VPS33B: variants seen among roughly 807,000 people sequenced by gnomAD.
VPS33B encodes VPS33B late endosome and lysosome associated, also known as vacuolar protein sorting-associated protein 33B.
A neutral mutation model predicts 95.3 loss-of-function variants in VPS33B; 80 were observed. The ratio of observed to expected loss-of-function variants is 0.84; its 90% confidence interval spans 0.70 to 1.01. VPS33B has a LOEUF of 1.01. VPS33B is among the 50% of genes least tolerant of loss of function. The pLI is 0.00. For missense variants in VPS33B, 715 were observed against 773.4 expected (o/e 0.92, Z 0.90); for synonymous variants, 280 against 280.4 (o/e 1.00, Z 0.01).
chr15:91,006,474 A>C lies in VPS33B; in HGVS notation c.779-29T>G, dbSNP rs890295018. On this transcript the variant is annotated intron_variant, in intron 10 of 22. Transcript: ENST00000333371. This position sits in a 1 kb window ranked among gnomAD's most constrained non-coding sequence, Gnocchi z 5.4. ...TGAGAGCAGAGGGACAGCTATTAGG[A>C]TCTCCAATGAGGACTTCTCCTACCA... is the stretch of plus-strand genomic sequence containing the variant. The C allele has an allele frequency of 1.9e-6, 3 of 1,613,970 alleles. No homozygotes were observed. The highest frequency in any genetic ancestry group is 2.5e-6 in the Non-Finnish European group (3 of 1,179,972).
Position 91,022,392 on chromosome 15 carries a change from G to A in VPS33B, c.-143C>T. On this transcript the variant is annotated 5_prime_UTR_variant, in exon 1 of 23. Transcript: ENST00000333371. ...ACCCCAGATGGGCCCTCGCTCCTCAGCAGCACTCCAGGAATGAATGGCCAC... is the reference window on the plus strand; with the variant it reads ...ACCCCAGATGGGCCCTCGCTCCTCAACAGCACTCCAGGAATGAATGGCCAC... 1 of 744,134 alleles carries A rather than the reference G, an allele frequency of 1.3e-6. No homozygotes were observed. Among genetic ancestry groups the A allele is most frequent in the Non-Finnish European group, 2.1e-6 (1 of 465,578 alleles). The allele number at this position is 744,134 out of a possible 1,614,324, so 46.1% of individuals were successfully genotyped here.
intron 16 of VPS33B, among the ~76,000 whole-genome samples, chr15:91,004,235 AAG>A (rs2040530182): frequency 6.9e-6 from 1 of 144,712 alleles, no homozygotes; most frequent in Non-Finnish European, 1.5e-5. Flanking sequence ...AAAAAAAAAA[AAG>A]AAGAAAAAGA....
Position 91,006,312 on chromosome 15 carries a change from C to T in VPS33B, c.852+60G>A, listed in dbSNP as rs866259309. 74 of 1,595,070 alleles carry T rather than the reference C, an allele frequency of 4.6e-5. No individual in the cohort carries two copies. The highest frequency in any genetic ancestry group is 1.4e-4 in the South Asian group (12 of 87,784). Reference sequence around the variant, plus strand: ...CCACAGCCTGGTATAAGCAGGGGGCCCACAGCCTGGTATAAGCAGTGGCCC... The same window carrying T: ...CCACAGCCTGGTATAAGCAGGGGGCTCACAGCCTGGTATAAGCAGTGGCCC... On this transcript the variant is annotated intron_variant, in intron 11 of 22. Coordinates refer to ENST00000333371, the MANE Select transcript of VPS33B (RefSeq NM_018668.5). The surrounding 1 kb of genome is among the most constrained non-coding windows in gnomAD (Gnocchi z 5.4).
chr15:91,005,918 A>G lies in VPS33B; in HGVS notation c.939+55T>C. ...ATTAGAAGGGGAGCCCAAGGGCAGC[A>G]GCCTTGGGAAGCCACTGAGGCAACA... On this transcript the variant is annotated intron_variant, in intron 12 of 22. Coordinates refer to ENST00000333371, the MANE Select transcript of VPS33B (RefSeq NM_018668.5). The surrounding 1 kb of genome is among the most constrained non-coding windows in gnomAD (Gnocchi z 6.4). 1 of 1,603,936 alleles carries G rather than the reference A, an allele frequency of 6.2e-7. No individual in the cohort carries two copies.
At chr15:90,998,654 G>A, downstream of VPS33B, 1 of 406,644 alleles carries the variant, frequency 2.5e-6, no homozygotes, top group East Asian at 5.6e-5. This position sits in a 1 kb window ranked among gnomAD's most constrained non-coding sequence, Gnocchi z 4.8. Context: ...GGAAGTGCGT[G>A]TCCAGAACGA....
At chr15:91,016,913 T>G in intron 3 of VPS33B, 50 bp downstream of exon 3, 1 of 1,581,798 alleles carries the variant, frequency 6.3e-7, no homozygotes, top group Non-Finnish European at 8.7e-7. Context: ...GACGTGCCCC[T>G]AGGGACCTCT....
At chr15:91,014,355 A>G in intron 4 of VPS33B, 29 bp downstream of exon 4, 1 of 1,613,820 alleles carries the variant, frequency 6.2e-7, no homozygotes, top group Non-Finnish European at 8.5e-7. Flanking sequence ...CCTTTCCCAC[A>G]GTTACACATA....
At chr15:91,012,198 A>C (rs1489385813) in intron 5 of VPS33B, among the ~76,000 whole-genome samples, 1 of 152,146 alleles carries the variant, frequency 6.6e-6, no homozygotes, top group Non-Finnish European at 1.5e-5. Flanking sequence ...CCTGGTAATA[A>C]TACTTCACGT....
At position 91,009,943 on chromosome 15, in the gene VPS33B, G is replaced by C. The variant is rs2040735737; in HGVS notation, c.358-97C>G. 4 of 1,410,376 alleles carry C rather than the reference G, an allele frequency of 2.8e-6. No homozygotes were observed. Among genetic ancestry groups the C allele is most frequent in the Admixed American group, 1.7e-5 (1 of 58,272 alleles). 87.4% of individuals were successfully genotyped at this position (1,410,376 alleles called of 1,614,324 possible). On this transcript the variant is annotated intron_variant, in intron 5 of 22. Coordinates refer to ENST00000333371, the MANE Select transcript of VPS33B (RefSeq NM_018668.5). The surrounding 1 kb of genome is among the most constrained non-coding windows in gnomAD (Gnocchi z 4.1). ...GTGGTCACTGATGAGGACAATAATT[G>C]CCGAACCCAGTGAAAGACAAGAGAA...
intron 3 of VPS33B, among the ~76,000 whole-genome samples, chr15:91,014,973 C>T (rs996190751): frequency 1.3e-5 from 2 of 150,476 alleles, no homozygotes; most frequent in African/African-American, 2.4e-5. Context: ...GGCAGAGGCG[C>T]GTGGATCACC....
rs74516510 is a variant in VPS33B at position 91,002,634 on chromosome 15, TAAAAAAAAA to T, written c.1272+442_1272+450del. On this transcript the variant is annotated intron_variant, in intron 17 of 22. Transcript: ENST00000333371. This position sits in a 1 kb window ranked among gnomAD's most constrained non-coding sequence, Gnocchi z 4.7. Reference sequence around the variant, plus strand: ...AACAGAGCGAGACATCGTCTCGAAATAAAAAAAAAAAAAAAAAGAAAAGAAATAATTAGC... The same window carrying T: ...AACAGAGCGAGACATCGTCTCGAAATAAAAAAAAGAAAAGAAATAATTAGC... Among the ~76,000 whole-genome samples, 1 of 88,768 alleles carries T rather than the reference TAAAAAAAAA, an allele frequency of 1.1e-5. No individual in the cohort carries two copies. The highest frequency in any genetic ancestry group is 3.8e-5 in the African/African-American group (1 of 26,634). 58.2% of individuals were successfully genotyped at this position (88,768 alleles called of 152,430 possible).
At chr15:91,001,588 T>C in intron 18 of VPS33B, 126 bp from the exon 19 acceptor site, 3 of 810,098 alleles carry the variant, frequency 3.7e-6, no homozygotes, top group East Asian at 5.2e-5. Context: ...TGTTCAACTA[T>C]AATTCCCTGG....
At position 90,999,587 on chromosome 15, in the gene VPS33B, G is replaced by T; in HGVS notation, c.1774+90C>A. The T allele has an allele frequency of 7.2e-7, 1 of 1,385,786 alleles. No individual in the cohort carries two copies. The allele number at this position is 1,385,786 out of a possible 1,614,324, so 85.8% of individuals were successfully genotyped here. ...GCCCGCCTCCGCCTCCCAAAGTGCTGAGATTACAGGTATGAACCACCGTGC... is the reference window on the plus strand; with the variant it reads ...GCCCGCCTCCGCCTCCCAAAGTGCTTAGATTACAGGTATGAACCACCGTGC... On this transcript the variant is annotated intron_variant, in intron 22 of 22. Coordinates refer to ENST00000333371, the MANE Select transcript of VPS33B (RefSeq NM_018668.5). The surrounding 1 kb of genome is among the most constrained non-coding windows in gnomAD (Gnocchi z 5.1).
rs368767102 is a variant in VPS33B, at chr15:90,999,990, G to A, written c.1582-15C>T. On this transcript the variant is annotated splice_polypyrimidine_tract_variant and intron_variant, in intron 20 of 22. Coordinates refer to ENST00000333371, the MANE Select transcript of VPS33B (RefSeq NM_018668.5). This position sits in a 1 kb window ranked among gnomAD's most constrained non-coding sequence, Gnocchi z 5.1. ...CGCTCTAGCACCTGGGAAGGTGTAA[G>A]CACTGTTTTTAAGGCTACAGACAGT... 2.5e-6 allele frequency: 4 copies of A among 1,613,974 alleles called. No homozygotes were observed. The highest frequency in any genetic ancestry group is 3.4e-6 in the Non-Finnish European group (4 of 1,180,032).
Position 91,007,987 on chromosome 15 carries a change from C to T in VPS33B, c.404-23G>A. On this transcript the variant is annotated intron_variant, in intron 6 of 22. Transcript: ENST00000333371. This position sits in a 1 kb window ranked among gnomAD's most constrained non-coding sequence, Gnocchi z 5.3. Reference sequence around the variant, plus strand: ...CATCTGTGGGGACAGAGAGCATCAGCCTCCCTGCAGAAGGTACTTAGCTCC... The same window carrying T: ...CATCTGTGGGGACAGAGAGCATCAGTCTCCCTGCAGAAGGTACTTAGCTCC... 1.2e-6 allele frequency: 2 copies of T among 1,611,298 alleles called. No individual in the cohort carries two copies. Among genetic ancestry groups the T allele is most frequent in the Non-Finnish European group, 1.7e-6 (2 of 1,177,426 alleles).
In VPS33B at chr15:90,999,792, A is replaced by T. The variant is rs1470824318; in HGVS notation, c.1659T>A (p.Asp553Glu). 7.4e-6 allele frequency: 12 copies of T among 1,613,974 alleles called. No individual in the cohort carries two copies. The East Asian group carries it at 2.7e-4, about 36-fold the overall frequency. ...TGGAAGCCTTGTCTTCCTTAGTCAT[A>T]TCTGTGAGGATCAGACCAGATTCAG... ...LLNCSDFAFT[D>E]MTKEDKASSE... The change falls in exon 22 of 23, where the codon GAT becomes GAA. Residue 553 changes from aspartate to glutamate, a missense_variant and splice_region_variant. Coordinates refer to ENST00000333371, the MANE Select transcript of VPS33B (RefSeq NM_018668.5). The surrounding 1 kb of genome is among the most constrained non-coding windows in gnomAD (Gnocchi z 5.1).
chr15:91,001,385 A>C lies in VPS33B; in HGVS notation c.1479+4T>G. On this transcript the variant is annotated splice_donor_region_variant and intron_variant, in intron 19 of 22. Coordinates refer to ENST00000333371, the MANE Select transcript of VPS33B (RefSeq NM_018668.5). ...TCTCCCCTAACCATCCCTGTTCCAC[A>C]TACCAAATTCAGCTTTTTGCTGATG... is the stretch of plus-strand genomic sequence containing the variant. The C allele has an allele frequency of 6.2e-7, 1 of 1,613,138 alleles. No homozygotes were observed. Among genetic ancestry groups the C allele is most frequent in the Non-Finnish European group, 8.5e-7 (1 of 1,179,256 alleles).
chr15:91,003,478 C>T (rs2040503312), intron 16 of VPS33B, among the ~76,000 whole-genome samples: 1 of 152,126 alleles, frequency 6.6e-6, no homozygotes, highest in Non-Finnish European at 1.5e-5. Context: ...CTTGCTCTGT[C>T]ACTCAGGCTG....
At position 90,999,870 on chromosome 15, in the gene VPS33B, C is replaced by G; in HGVS notation, c.1657+30G>C. The stretch of plus-strand genomic sequence containing the variant: ...GGTGCATCCAGCCCACCTCTCACTG[C>G]CAGCCTACCCCACTGTTAATGCCAC... On this transcript the variant is annotated intron_variant, in intron 21 of 22. Coordinates refer to ENST00000333371, the MANE Select transcript of VPS33B (RefSeq NM_018668.5). This position sits in a 1 kb window ranked among gnomAD's most constrained non-coding sequence, Gnocchi z 5.1. 1 of 1,614,172 alleles carries G rather than the reference C, an allele frequency of 6.2e-7. No individual in the cohort carries two copies. Among genetic ancestry groups the G allele is most frequent in the Non-Finnish European group, 8.5e-7 (1 of 1,180,000 alleles).
Sources: gnomAD v4.1 joint callset for allele counts (sites outside exome capture counted in the v4.1 genomes callset) on GRCh38, gnomAD v4.1.1 for gene constraint, Gnocchi (gnomAD v3.1) non-coding constraint, MANE v1.5 for transcripts, NCBI Gene and HGNC (gene_info 2026-07-23, HGNC 2026-07-21) for gene names.